RABGAP1L: variants seen among roughly 807,000 people sequenced by gnomAD.
RABGAP1L encodes the protein rab GTPase-activating protein 1-like.
A neutral mutation model predicts 137.7 loss-of-function variants in RABGAP1L; 63 were observed. That is an observed-to-expected ratio of 0.46 (90% CI 0.37 to 0.56). RABGAP1L has a LOEUF of 0.56. Ranked by LOEUF, RABGAP1L falls within the 20% of genes least tolerant of loss-of-function variation. The pLI is 0.00. For missense variants in RABGAP1L, 1,095 were observed against 1,244.0 expected (o/e 0.88, Z 1.80); for synonymous variants, 431 against 433.7 (o/e 0.99, Z 0.08).
At chr1:174,301,081 C>G (rs1677657869) in intron 10 of RABGAP1L, among the ~76,000 whole-genome samples, 1 of 152,020 alleles carries the variant, frequency 6.6e-6, no homozygotes, top group Non-Finnish European at 1.5e-5. Context: ...GTCATGGATC[C>G]CACGGCCACT....
intron 14 of RABGAP1L, among the ~76,000 whole-genome samples, chr1:174,679,429 A>G (rs1482018485): frequency 6.6e-6 from 1 of 152,186 alleles, no homozygotes; most frequent in Non-Finnish European, 1.5e-5. Context: ...AAACTTCTAA[A>G]CCTAATGAAG....
At chr1:174,343,671 G>A (rs1010892132) in intron 11 of RABGAP1L, among the ~76,000 whole-genome samples, 7 of 151,962 alleles carry the variant, frequency 4.6e-5, no homozygotes, top group African/African-American at 1.7e-4. Flanking sequence ...AATCTGATTG[G>A]GTTCATTAGT....
intron 15 of RABGAP1L, among the ~76,000 whole-genome samples, chr1:174,696,394 T>C (rs1228227779): frequency 6.6e-6 from 1 of 152,134 alleles, no homozygotes; most frequent in Admixed American, 6.5e-5. Context: ...TTGTTGTTTC[T>C]ATTTGATCCC....
chr1:174,253,836 G>A (rs544226882), intron 7 of RABGAP1L, among the ~76,000 whole-genome samples: 22 of 152,260 alleles, frequency 1.4e-4, no homozygotes, highest in Non-Finnish European at 2.6e-4. Flanking sequence ...TGCCTATTTG[G>A]CTTCAAGGAG....
chr1:174,500,254 A>G (rs1407120927), intron 13 of RABGAP1L, among the ~76,000 whole-genome samples: 1 of 151,994 alleles, frequency 6.6e-6, no homozygotes, highest in African/African-American at 2.4e-5. Context: ...TAATTTTTGT[A>G]TTTTTAGTAG....
intron 18 of RABGAP1L, among the ~76,000 whole-genome samples, chr1:174,776,728 C>A (rs1686558421): frequency 6.6e-6 from 1 of 152,146 alleles, no homozygotes; most frequent in African/African-American, 2.4e-5. Context: ...TACCCTGAGG[C>A]TAGCTAAAAT....
intron 19 of RABGAP1L, among the ~76,000 whole-genome samples, chr1:174,863,331 T>C (rs1281915996): frequency 6.6e-6 from 1 of 152,084 alleles, no homozygotes; most frequent in East Asian, 1.9e-4. Context: ...TTTACTTTAG[T>C]TAATCTTTTC....
intron 19 of RABGAP1L, among the ~76,000 whole-genome samples, chr1:174,818,174 A>C (rs1425554246): frequency 6.6e-6 from 1 of 152,216 alleles, no homozygotes; most frequent in Admixed American, 6.5e-5. Context: ...CTTATAGCGG[A>C]GTATATACAA....
At chr1:174,863,098 T>G (rs1382767506) in intron 19 of RABGAP1L, among the ~76,000 whole-genome samples, 1 of 151,424 alleles carries the variant, frequency 6.6e-6, no homozygotes, top group Non-Finnish European at 1.5e-5. Context: ...TTCACCATCT[T>G]GGCCAGGCTG....
rs559794692 is a variant in RABGAP1L, at chr1:174,606,944, C to T, written c.1711-30431C>T. 2.6e-5 allele frequency among the ~76,000 whole-genome samples: 4 copies of T among 152,212 alleles called. 1 individual carries two copies. The South Asian group carries it at 8.3e-4, about 32-fold the overall frequency. On this transcript the variant is annotated intron_variant, in intron 13 of 25. Coordinates refer to ENST00000681986, the MANE Select transcript of RABGAP1L (RefSeq NM_001366446.1). ...AACTTTCATAAATAAATATTAAAAC[C>T]TGTTTAATCAAGAATAAAACCCAAG...
chr1:174,699,223 G>T (rs924016432), intron 15 of RABGAP1L, among the ~76,000 whole-genome samples: 6 of 152,036 alleles, frequency 3.9e-5, no homozygotes, highest in African/African-American at 1.4e-4. Flanking sequence ...GAACTCCTGG[G>T]CTTAAGTGAT....
At position 174,780,116 on chromosome 1, in the gene RABGAP1L, A is replaced by AATT. The variant is rs1558070743; in HGVS notation, c.2211+27763_2211+27764insTTA. On this transcript the variant is annotated intron_variant, in intron 18 of 25. Transcript: ENST00000681986. ...TAAATAAATAAATAAATAAATAAAT[A>AATT]AATTAAATAAGCCCTAATTAAAATT... Among the ~76,000 whole-genome samples the AATT allele has an allele frequency of 3.5e-3, 504 of 145,934 alleles. 5 individuals carry two copies. Among genetic ancestry groups the AATT allele is most frequent in the African/African-American group, 0.012 (457 of 38,880 alleles).
chr1:174,326,653 TAAAAG>T (rs1440376371), intron 11 of RABGAP1L, among the ~76,000 whole-genome samples: 2 of 152,080 alleles, frequency 1.3e-5, no homozygotes, highest in Non-Finnish European at 2.9e-5. Flanking sequence ...AAAGAAGCAA[TAAAAG>T]AAAATTTTTG....
At chr1:174,548,059 C>T (rs548713804) in intron 13 of RABGAP1L, 17 of 1,550,004 alleles carry the variant, frequency 1.1e-5, no homozygotes, top group African/African-American at 4.1e-5. Context: ...CTGTTAAATG[C>T]GTCAGTGCTC....
In RABGAP1L at chr1:174,682,578, A is replaced by G. The variant is rs527611171; in HGVS notation, c.1825-944A>G. Among the ~76,000 whole-genome samples, 11 of 152,090 alleles carry G rather than the reference A, an allele frequency of 7.2e-5. No individual in the cohort carries two copies. The East Asian group carries it at 1.9e-3, about 27-fold the overall frequency. On this transcript the variant is annotated intron_variant, in intron 14 of 25. Coordinates refer to ENST00000681986, the MANE Select transcript of RABGAP1L (RefSeq NM_001366446.1). ...TTACAGAAAAAGCTTTCTAACTCCT[A>G]TTCTTTACCCTTTGATCTGCACACT... is the stretch of plus-strand genomic sequence containing the variant.
intron 13 of RABGAP1L, among the ~76,000 whole-genome samples, chr1:174,509,578 T>G (rs1282191492): frequency 6.6e-6 from 1 of 152,088 alleles, no homozygotes; most frequent in Admixed American, 6.6e-5. Flanking sequence ...TCAGTCCCAT[T>G]TTTTCCCCCT....
intron 19 of RABGAP1L, among the ~76,000 whole-genome samples, chr1:174,896,703 T>A (rs561966390): frequency 6.6e-5 from 10 of 152,348 alleles, no homozygotes; most frequent in African/African-American, 2.4e-4. Context: ...GGGAATCCTT[T>A]CCCCATTTCT....
At chr1:174,696,913 G>T (rs568974052) in intron 15 of RABGAP1L, among the ~76,000 whole-genome samples, 1 of 152,242 alleles carries the variant, frequency 6.6e-6, no homozygotes, top group East Asian at 1.9e-4. Flanking sequence ...CTTGAGGGAG[G>T]ATGATTGCTG....
rs577418178 is a variant in RABGAP1L at position 174,391,597 on chromosome 1, C to A, written c.1560-2398C>A. The stretch of plus-strand genomic sequence containing the variant: ...GCTCAAACGATCCGCCTGCTTTGGC[C>A]TCCCAAAGTGCTGGGATTATGGATA... On this transcript the variant is annotated intron_variant, in intron 12 of 25. Coordinates refer to ENST00000681986, the MANE Select transcript of RABGAP1L (RefSeq NM_001366446.1). Among the ~76,000 whole-genome samples, 23 of 152,290 alleles carry A rather than the reference C, an allele frequency of 1.5e-4. No individual in the cohort carries two copies. In the South Asian group the frequency reaches 4.8e-3, roughly 32 times the overall value.
Sources: allele counts gnomAD v4.1 joint callset (sites outside exome capture counted in the v4.1 genomes callset), GRCh38; gene constraint gnomAD v4.1.1; transcripts MANE v1.5; gene names NCBI Gene and HGNC (gene_info 2026-07-23, HGNC 2026-07-21).